CREBBP: variants seen among roughly 807,000 people sequenced by gnomAD.
CREBBP encodes the protein CREB binding lysine acetyltransferase, also known as CREB-binding protein.
A neutral mutation model predicts 265.0 loss-of-function variants in CREBBP; 19 were observed. The observed-to-expected ratio is 0.07, with a 90% CI of 0.05 to 0.11. The LOEUF (loss-of-function observed/expected upper bound fraction) is 0.11. Ranked by LOEUF, CREBBP falls within the 10% of genes least tolerant of loss-of-function variation. CREBBP has a pLI of 1.00. For missense variants in CREBBP, 2,525 were observed against 3,219.0 expected (o/e 0.78, Z 5.22); for synonymous variants, 1,457 against 1,223.7 (o/e 1.19, Z -3.98).
rs576638802 is a variant in CREBBP, at chr16:3,877,787, T to G, written c.85+2045A>C. Among the ~76,000 whole-genome samples the G allele has an allele frequency of 3.9e-5, 6 of 152,372 alleles. No individual in the cohort carries two copies. The South Asian group carries it at 1.2e-3, about 32-fold the overall frequency. ...CCCTTTCACAATAGTGTGATGGTGA[T>G]GAATGTGTAACACATGACCCAACTT... On this transcript the variant is annotated intron_variant, in intron 1 of 30. Coordinates refer to ENST00000262367, the MANE Select transcript of CREBBP (RefSeq NM_004380.3).
chr16:3,782,843 T>G lies in CREBBP; in HGVS notation c.1414A>C (p.Asn472His). 6.2e-7 allele frequency: 1 copy of G among 1,614,190 alleles called. No homozygotes were observed. Among genetic ancestry groups the G allele is most frequent in the Non-Finnish European group, 8.5e-7 (1 of 1,180,046 alleles). Reference sequence around the variant, plus strand: ...GAGCTGGGGTCTATGGGATTTGGGTTACTTAAAGAAGTGGCATTCTGTTGC... The same window carrying G: ...GAGCTGGGGTCTATGGGATTTGGGTGACTTAAAGAAGTGGCATTCTGTTGC... The part of the protein sequence containing the change: ...TGQQNATSLS[N>H]PNPIDPSSMQ... The change falls in exon 6 of 31, where the codon AAC becomes CAC. Residue 472 changes from asparagine to histidine, a missense_variant. Asn to His is a moderately conservative substitution (Grantham distance 68, BLOSUM62 1). This residue lies in a region of CREBBP where 48 missense variants were observed against 70.2 expected (regional missense o/e 0.68). Transcript: ENST00000262367.
intron 19 of CREBBP, among the ~76,000 whole-genome samples, chr16:3,754,466 A>C (rs2052543756): frequency 6.6e-6 from 1 of 152,246 alleles, no homozygotes; most frequent in South Asian, 2.1e-4. Flanking sequence ...TGAAGGAAGC[A>C]GCTTGATGAA....
Position 3,727,216 on chromosome 16 carries a change from G to A in CREBBP, c.*502C>T. On this transcript the variant is annotated 3_prime_UTR_variant, in exon 31 of 31. Transcript: ENST00000262367. ...GGTAATACTGGGAGACGCCCACAGA[G>A]TTCACTATAGAAAAAAATCTTCCCG... The A allele has an allele frequency of 3.9e-6, 1 of 255,454 alleles. No homozygotes were observed. Among genetic ancestry groups the A allele is most frequent in the South Asian group, 1.1e-4 (1 of 8,736 alleles). 15.8% of individuals were successfully genotyped at this position (255,454 alleles called of 1,614,324 possible). A position where few individuals can be genotyped will look rare whatever the true frequency, so the allele number is the denominator to read the frequency against.
In CREBBP at chr16:3,849,429, GTGTGTGTGTGT is replaced by G. The variant is rs2054751167; in HGVS notation, c.798+857_798+867del. Among the ~76,000 whole-genome samples, 68 of 12,820 alleles carry G rather than the reference GTGTGTGTGTGT, an allele frequency of 5.3e-3. 1 individual carries two copies. The highest frequency in any genetic ancestry group is 0.018 in the East Asian group (6 of 330). The allele number at this position is 12,820 out of a possible 152,430, so 8.4% of individuals were successfully genotyped here. ...TGTGTGTGTGTGTGTGTGTGTGTGT[GTGTGTGTGTGT>G]GTGTGTGTGTGTGTGTGTGTGTGTG... On this transcript the variant is annotated intron_variant, in intron 2 of 30. Transcript: ENST00000262367.
At chr16:3,833,590 A>C (rs1053664089) in intron 2 of CREBBP, among the ~76,000 whole-genome samples, 1 of 152,266 alleles carries the variant, frequency 6.6e-6, no homozygotes, top group African/African-American at 2.4e-5. Flanking sequence ...AAGTGAGTTT[A>C]GCAGGGTTAC....
At position 3,803,259 on chromosome 16, in the gene CREBBP, GCGGGGA is replaced by G. The variant is rs1330646767; in HGVS notation, c.975+7338_975+7343del. Among the ~76,000 whole-genome samples, 10 of 35,976 alleles carry G rather than the reference GCGGGGA, an allele frequency of 2.8e-4. 2 individuals are homozygous for G. The highest frequency in any genetic ancestry group is 8.9e-4 in the African/African-American group (10 of 11,218). The allele number at this position is 35,976 out of a possible 152,430, so 23.6% of individuals were successfully genotyped here. On this transcript the variant is annotated intron_variant, in intron 3 of 30. Transcript: ENST00000262367. Reference sequence around the variant, plus strand: ...ATCCCAGCACTTTGGGAGGCTGACGGCGGGGAGGGGGGGGGGGGGGGTGGATCACGA... The same window carrying G: ...ATCCCAGCACTTTGGGAGGCTGACGGGGGGGGGGGGGGGGGTGGATCACGA...
chr16:3,874,103 G>A (rs1340319890), intron 1 of CREBBP, among the ~76,000 whole-genome samples: 4 of 152,110 alleles, frequency 2.6e-5, no homozygotes, highest in African/African-American at 9.7e-5. Context: ...TGGGCCACTG[G>A]GGTCAACAAA....
chr16:3,866,435 T>G (rs1282529728), intron 1 of CREBBP, among the ~76,000 whole-genome samples: 2 of 152,168 alleles, frequency 1.3e-5, no homozygotes, highest in East Asian at 1.9e-4. Context: ...TTAGGGGTAA[T>G]TTGTACTTTG....
intron 5 of CREBBP, among the ~76,000 whole-genome samples, chr16:3,783,167 A>G (rs899904941): frequency 2.6e-5 from 4 of 152,260 alleles, no homozygotes; most frequent in African/African-American, 9.6e-5. Context: ...TTAGCATGCA[A>G]CAGACCATAA....
chr16:3,815,081 T>C (rs888166675), intron 2 of CREBBP, among the ~76,000 whole-genome samples: 1 of 152,246 alleles, frequency 6.6e-6, no homozygotes, highest in Non-Finnish European at 1.5e-5. Context: ...GATTTCTGAA[T>C]TCCTAGTATA....
intron 3 of CREBBP, among the ~76,000 whole-genome samples, chr16:3,795,124 GTCTGAGAAGGACCCAAAGCAAT>G (rs983650216): frequency 6.6e-5 from 10 of 152,190 alleles, no homozygotes; most frequent in East Asian, 1.9e-4. Context: ...ACTCTTGGAA[GTCTGAGAAGGACCCAAAGCAAT>G]TCTGAGAAGG....
At chr16:3,747,701 G>A (rs1269765724) in intron 21 of CREBBP, among the ~76,000 whole-genome samples, 1 of 152,086 alleles carries the variant, frequency 6.6e-6, no homozygotes, top group Non-Finnish European at 1.5e-5. Flanking sequence ...GGTGGCTCAC[G>A]CCTGTAATCC....
intron 1 of CREBBP, among the ~76,000 whole-genome samples, chr16:3,853,080 A>G (rs1326495970): frequency 6.6e-6 from 1 of 151,790 alleles, no homozygotes; most frequent in Non-Finnish European, 1.5e-5. Context: ...CTCCCTATTC[A>G]TTAGTGATGT....
Position 3,850,850 on chromosome 16 carries a change from A to C in CREBBP, c.245T>G (p.Ile82Ser). ...GCTCACATTTCCTATTCCTGGGTTGATACTAGAGCCGCTGCCTCCTCGTAG... is the reference window on the plus strand; with the variant it reads ...GCTCACATTTCCTATTCCTGGGTTGCTACTAGAGCCGCTGCCTCCTCGTAG... ...ELLRGGSGSSINPGIGNVSAS... is the reference protein window; with the variant it reads ...ELLRGGSGSSSNPGIGNVSAS... Residue 82 changes from isoleucine to serine, a missense_variant, in exon 2 of 31, where the codon ATC (isoleucine) becomes AGC (serine). Around this residue, in one of 19 missense-constraint regions of CREBBP, gnomAD observed 356 missense variants for 340.4 expected, o/e 1.05. Coordinates refer to ENST00000262367, the MANE Select transcript of CREBBP (RefSeq NM_004380.3). The C allele has an allele frequency of 6.2e-7, 1 of 1,614,098 alleles. No individual in the cohort carries two copies.
Position 3,758,718 on chromosome 16 carries a change from C to T in CREBBP, c.3369+136G>A. 9 of 765,656 alleles carry T rather than the reference C, an allele frequency of 1.2e-5. 1 individual carries two copies. In the South Asian group the frequency reaches 1.3e-4, roughly 11 times the overall value. The allele number at this position is 765,656 out of a possible 1,614,324, so 47.4% of individuals were successfully genotyped here. A position where few individuals can be genotyped will look rare whatever the true frequency, so the allele number is the denominator to read the frequency against. ...AAACACTTTCACTGATAACTGTTAA[C>T]AGACAACAGTTTTTTATATTAGGAG... On this transcript the variant is annotated intron_variant, in intron 17 of 30. Coordinates refer to ENST00000262367, the MANE Select transcript of CREBBP (RefSeq NM_004380.3).
intron 19 of CREBBP, among the ~76,000 whole-genome samples, chr16:3,753,705 C>T (rs1031377184): frequency 4.6e-5 from 7 of 152,116 alleles, no homozygotes; most frequent in Admixed American, 1.3e-4. Context: ...AAACTATAAA[C>T]CAATTCAGTG....
chr16:3,813,212 T>C (rs536184409), intron 2 of CREBBP: 7 of 227,692 alleles, frequency 3.1e-5, no homozygotes, highest in African/African-American at 1.6e-4. Context: ...CTTCCCCATG[T>C]AGTCCTCCTA....
In CREBBP at chr16:3,729,098, T is replaced by C. The variant is rs372969249; in HGVS notation, c.5949A>G (p.Pro1983=). ...YRVNINNSMP[P]GRTGMGTPGS... ...CCGGGGTCCCCATGCCCGTGCGTCC[T>C]GGGGGCATGCTGTTGTTGATGTTCA... The change falls in exon 31 of 31, where the codon CCA becomes CCG. Residue 1983 remains proline (P), a synonymous_variant. Transcript: ENST00000262367. 3.7e-5 allele frequency: 58 copies of C among 1,580,590 alleles called. No homozygotes were observed. Among genetic ancestry groups the C allele is most frequent in the South Asian group, 9.1e-5 (8 of 88,344 alleles).
rs1487899639 is a variant in CREBBP, at chr16:3,761,615, T to A, written c.3251-2643A>T. On this transcript the variant is annotated intron_variant, in intron 16 of 30. Transcript: ENST00000262367. The stretch of plus-strand genomic sequence containing the variant: ...GACACCGCCTCCTCTCCAGGGCACG[T>A]GGCTGCTTCAGACCTCTGACAGCAG... 5.8e-6 allele frequency: 3 copies of A among 517,204 alleles called. No homozygotes were observed. In the East Asian group the frequency reaches 1.6e-4, roughly 28 times the overall value. 32.0% of individuals were successfully genotyped at this position (517,204 alleles called of 1,614,324 possible). A position where few individuals can be genotyped will look rare whatever the true frequency, so the allele number is the denominator to read the frequency against.
Sources: allele counts gnomAD v4.1 joint callset (sites outside exome capture counted in the v4.1 genomes callset), GRCh38; gene constraint gnomAD v4.1.1; regional missense constraint gnomAD v4.1.1; transcripts MANE v1.5; gene names NCBI Gene and HGNC (gene_info 2026-07-23, HGNC 2026-07-21).